Variants in DYNC2H1 observed in about 807,000 individuals in gnomAD.
DYNC2H1 encodes cytoplasmic dynein 2 heavy chain 1.
In DYNC2H1, 410 loss-of-function variants were observed where a neutral mutation model predicts 570.0. That is an observed-to-expected ratio of 0.72 (90% CI 0.66 to 0.78). The LOEUF (loss-of-function observed/expected upper bound fraction) is 0.78. Ranked by LOEUF, DYNC2H1 falls within the 30% of genes least tolerant of loss-of-function variation. DYNC2H1 has a pLI of 0.00. For missense variants in DYNC2H1, 4,865 were observed against 5,046.4 expected, an observed-to-expected ratio of 0.96 and a Z score of 1.09; for synonymous variants, 1,688 against 1,677.6, an observed-to-expected ratio of 1.01 and a Z score of -0.15.
chr11:103,285,371 G>A (rs1472097333), intron 73 of DYNC2H1, among the ~76,000 whole-genome samples: 1 of 151,764 alleles, frequency 6.6e-6, no homozygotes, highest in African/African-American at 2.4e-5. Context: ...AAGATGATCA[G>A]ACACCAACAG....
At chr11:103,117,919 G>A in intron 6 of DYNC2H1, 56 bp downstream of exon 6, 2 of 1,376,368 alleles carry the variant, frequency 1.5e-6, no homozygotes, top group Non-Finnish European at 2.0e-6. Flanking sequence ...ATCTTCACTT[G>A]TTTGTAAATG....
At chr11:103,386,788 A>G (rs1446784489) in intron 83 of DYNC2H1, among the ~76,000 whole-genome samples, 4 of 151,972 alleles carry the variant, frequency 2.6e-5, no homozygotes, top group East Asian at 1.9e-4. Flanking sequence ...GCTGAGAATG[A>G]TGGTTTCCAG....
At chr11:103,306,253 G>A (rs1182036135) in intron 77 of DYNC2H1, among the ~76,000 whole-genome samples, 1 of 152,168 alleles carries the variant, frequency 6.6e-6, no homozygotes, top group East Asian at 1.9e-4. Context: ...AAAAAGACTG[G>A]CAAATACTTG....
chr11:103,165,915 G>T lies in DYNC2H1; in HGVS notation c.4629G>T (p.Glu1543Asp), dbSNP rs770719054. 4.0e-6 allele frequency: 6 copies of T among 1,502,914 alleles called. No homozygotes were observed. In the East Asian group the frequency reaches 1.6e-4, roughly 39 times the overall value. 93.1% of individuals were successfully genotyped at this position (1,502,914 alleles called of 1,614,324 possible). ...TTCAATAGATTTTATGCTTGGCGGA[G>T]CAGATTAAATTCACTGAAGATGTAG... ...LFPSQILCLA[E>D]QIKFTEDVEN... is the part of the protein sequence containing the mutation. The change falls in exon 31 of 89, where the codon GAG becomes GAT. Residue 1543 changes from glutamate (E) to aspartate (D), a missense_variant. By Grantham distance (45) the Glu-to-Asp change is conservative. Coordinates refer to ENST00000375735, the MANE Select transcript of DYNC2H1 (RefSeq NM_001377.3).
intron 52 of DYNC2H1, among the ~76,000 whole-genome samples, chr11:103,207,076 C>G (rs1047534763): frequency 6.6e-6 from 1 of 151,984 alleles, no homozygotes; most frequent in African/African-American, 2.4e-5. Context: ...TGCCTGCCAC[C>G]ATACCTGGCT....
intron 84 of DYNC2H1, among the ~76,000 whole-genome samples, chr11:103,411,495 G>C (rs1943085330): frequency 6.7e-6 from 1 of 149,978 alleles, no homozygotes; most frequent in Non-Finnish European, 1.5e-5. Flanking sequence ...TTCTTGTTTT[G>C]TTTCTGCTGT....
intron 88 of DYNC2H1, among the ~76,000 whole-genome samples, chr11:103,474,329 T>TA (rs1466206427): frequency 1.3e-5 from 2 of 152,176 alleles, no homozygotes; most frequent in Non-Finnish European, 2.9e-5. Context: ...TTTCCTCTTC[T>TA]AAAAAAGAAC....
intron 84 of DYNC2H1, among the ~76,000 whole-genome samples, chr11:103,424,842 G>C (rs75999858): frequency 0.027 from 4,119 of 152,222 alleles, 123 homozygotes; most frequent in African/African-American, 0.068. Flanking sequence ...GAGATGCCTA[G>C]TAGCAAACTA....
chr11:103,355,778 G>A (rs1565522522), intron 82 of DYNC2H1, among the ~76,000 whole-genome samples: 1 of 152,138 alleles, frequency 6.6e-6, no homozygotes, highest in Non-Finnish European at 1.5e-5. Context: ...GTGGCATGAT[G>A]ATAGCACACT....
intron 70 of DYNC2H1, among the ~76,000 whole-genome samples, chr11:103,271,903 C>T (rs1451328325): frequency 6.6e-6 from 1 of 152,092 alleles, no homozygotes; most frequent in Non-Finnish European, 1.5e-5. Context: ...GAATGGCGAT[C>T]ATTAAAAAGT....
At chr11:103,451,728 A>G (rs534986405) in intron 85 of DYNC2H1, among the ~76,000 whole-genome samples, 2 of 152,038 alleles carry the variant, frequency 1.3e-5, no homozygotes, top group East Asian at 3.9e-4. Context: ...CCATGTTGCA[A>G]CCCTTAGCAA....
intron 82 of DYNC2H1, among the ~76,000 whole-genome samples, chr11:103,327,152 G>C (rs1234699795): frequency 6.6e-6 from 1 of 151,952 alleles, no homozygotes; most frequent in Non-Finnish European, 1.5e-5. Context: ...CTGAGCATCA[G>C]CGTCACTTCT....
intron 83 of DYNC2H1, among the ~76,000 whole-genome samples, chr11:103,374,370 C>T (rs1195967777): frequency 1.3e-5 from 2 of 152,160 alleles, no homozygotes; most frequent in Non-Finnish European, 2.9e-5. Flanking sequence ...ATAAATTACC[C>T]AGTCTGAGGT....
chr11:103,422,039 A>G (rs1370138313), intron 84 of DYNC2H1, among the ~76,000 whole-genome samples: 1 of 152,112 alleles, frequency 6.6e-6, no homozygotes, highest in Non-Finnish European at 1.5e-5. Flanking sequence ...AAACACAAAC[A>G]ACTATCACAG....
At chr11:103,227,628 A>G (rs1863850747) in intron 59 of DYNC2H1, among the ~76,000 whole-genome samples, 1 of 151,146 alleles carries the variant, frequency 6.6e-6, no homozygotes, top group East Asian at 1.9e-4. Flanking sequence ...AGAATGTTCC[A>G]TGTGCTGATG....
intron 78 of DYNC2H1, among the ~76,000 whole-genome samples, chr11:103,308,830 ATTAT>A (rs1867426735): frequency 6.6e-6 from 1 of 152,130 alleles, no homozygotes; most frequent in Non-Finnish European, 1.5e-5. Context: ...TACTTTTAAA[ATTAT>A]TTAATTTTTT....
At chr11:103,223,241 A>G (rs1863659979) in intron 59 of DYNC2H1, among the ~76,000 whole-genome samples, 155 bp downstream of exon 59, 1 of 151,784 alleles carries the variant, frequency 6.6e-6, no homozygotes, top group African/African-American at 2.4e-5. Flanking sequence ...AAATTTAAAA[A>G]CAGATCAAAA....
At chr11:103,366,106 AATG>A (rs1183746920) in intron 83 of DYNC2H1, among the ~76,000 whole-genome samples, 1 of 152,218 alleles carries the variant, frequency 6.6e-6, no homozygotes, top group Non-Finnish European at 1.5e-5. Flanking sequence ...GTACAACAAA[AATG>A]ATGGATTTGG....
rs141509896 is a variant in DYNC2H1, at chr11:103,176,250, T to C, written c.5690T>C (p.Ile1897Thr). The C allele has an allele frequency of 1.5e-5, 23 of 1,498,852 alleles. 1 individual carries two copies. Among genetic ancestry groups the C allele is most frequent in the African/African-American group, 1.4e-4 (10 of 70,064 alleles). 92.8% of individuals were successfully genotyped at this position (1,498,852 alleles called of 1,614,324 possible). A position where few individuals can be genotyped will look rare whatever the true frequency, so the allele number is the denominator to read the frequency against. ...TTTTTTCTAGCTAATGAAAGTCATA[T>C]TGTGGTACAAGCACTGAGGCTTAAT... Reference protein sequence around the residue: ...GTTQNANESHIVVQALRLNTM... With the variant: ...GTTQNANESHTVVQALRLNTM... Residue 1897 changes from isoleucine to threonine, a missense_variant, in exon 37 of 89, where the codon ATT becomes ACT. By Grantham distance (89) the Ile-to-Thr change is moderately conservative. This residue lies in a region of DYNC2H1 where 292 missense variants were observed against 300.2 expected (regional missense o/e 0.97). Transcript: ENST00000375735.
Sources: allele counts gnomAD v4.1 joint callset (sites outside exome capture counted in the v4.1 genomes callset), GRCh38; gene constraint gnomAD v4.1.1; regional missense constraint gnomAD v4.1.1; transcripts MANE v1.5; gene names NCBI Gene and HGNC (gene_info 2026-07-23, HGNC 2026-07-21).